GRK5: variants seen among roughly 807,000 people sequenced by gnomAD.
GRK5 encodes the protein g protein-coupled receptor kinase GRK5.
A neutral mutation model predicts 78.4 loss-of-function variants in GRK5; 40 were observed. The ratio of observed to expected loss-of-function variants is 0.51; its 90% confidence interval spans 0.40 to 0.66. The LOEUF (loss-of-function observed/expected upper bound fraction) is 0.66, where lower values mean the gene tolerates loss of function less well. GRK5 is among the 30% of genes least tolerant of loss of function. The probability of loss-of-function intolerance (pLI) is 0.00; values close to 1 mark genes in which losing one functional copy is unlikely to be tolerated. For missense variants in GRK5, 598 were observed against 759.9 expected, an observed-to-expected ratio of 0.79 and a Z score of 2.50; for synonymous variants, 289 against 296.8, an observed-to-expected ratio of 0.97 and a Z score of 0.27.
chr10:119,217,532 C>T lies in GRK5; in HGVS notation c.52+9563C>T, dbSNP rs1348763845. On this transcript the variant is annotated intron_variant, in intron 1 of 15. Transcript: ENST00000392870. The surrounding 1 kb of genome is among the most constrained non-coding windows in gnomAD (Gnocchi z 4.1). ...CCCTCCTACCAACACATCGGACAAG[C>T]GAGGCCAGCCTCTTGCGTTATTTTT... Among the ~76,000 whole-genome samples, 6 of 152,334 alleles carry T rather than the reference C, an allele frequency of 3.9e-5. No individual in the cohort carries two copies. Among genetic ancestry groups the T allele is most frequent in the South Asian group, 2.1e-4 (1 of 4,826 alleles).
In GRK5 at chr10:119,442,091, G is replaced by A; in HGVS notation, c.1057+3G>A. The A allele has an allele frequency of 6.2e-7, 1 of 1,612,942 alleles. No individual in the cohort carries two copies. The highest frequency in any genetic ancestry group is 8.5e-7 in the Non-Finnish European group (1 of 1,179,072). ...GGTGGGCACTGTTGGCTACATGGGTGAGTGCTGGGCTGCCTGTGTCAATGC... is the reference window on the plus strand; with the variant it reads ...GGTGGGCACTGTTGGCTACATGGGTAAGTGCTGGGCTGCCTGTGTCAATGC... On this transcript the variant is annotated splice_donor_region_variant and intron_variant, in intron 11 of 15. Transcript: ENST00000392870.
At chr10:119,220,306 T>C (rs1274515274) in intron 1 of GRK5, among the ~76,000 whole-genome samples, 2 of 152,190 alleles carry the variant, frequency 1.3e-5, no homozygotes, top group African/African-American at 4.8e-5. Context: ...CCAGATGTCT[T>C]CCCTTCAGCA....
intron 1 of GRK5, 41 bp downstream of exon 1, chr10:119,208,010 G>A (rs749963451): frequency 6.3e-7 from 1 of 1,585,040 alleles, no homozygotes; most frequent in East Asian, 2.3e-5. Context: ...CGTCCGCCGC[G>A]GGCCAGGGTG....
In GRK5 at chr10:119,271,633, G is replaced by A. The variant is rs764330947; in HGVS notation, c.53-54883G>A. On this transcript the variant is annotated intron_variant, in intron 1 of 15. Coordinates refer to ENST00000392870, the MANE Select transcript of GRK5 (RefSeq NM_005308.3). The surrounding 1 kb of genome is among the most constrained non-coding windows in gnomAD (Gnocchi z 4.1). ...CCATCAGTGCTGGGCTGGTGTGTGC[G>A]GGGTTTTGTCGCCACCTTTGGCAAT... 6.6e-5 allele frequency among the ~76,000 whole-genome samples: 10 copies of A among 152,160 alleles called. No individual in the cohort carries two copies. The highest frequency in any genetic ancestry group is 1.3e-4 in the Non-Finnish European group (9 of 68,022).
At chr10:119,340,120 G>GTTTGTTTTGTTTTGT (rs56098755) in intron 2 of GRK5, among the ~76,000 whole-genome samples, 6 of 151,848 alleles carry the variant, frequency 4.0e-5, no homozygotes, top group South Asian at 4.2e-4. Flanking sequence ...TTGTTTGTTT[G>GTTTGTTTTGTTTTGT]TTTGTTTTGT....
At chr10:119,444,035 G>T (rs560661815) in intron 12 of GRK5, among the ~76,000 whole-genome samples, 7 of 152,146 alleles carry the variant, frequency 4.6e-5, no homozygotes, top group South Asian at 4.2e-4. Flanking sequence ...TCCAGCCTGT[G>T]GGGGGGTCCA....
At chr10:119,252,024 A>T (rs1849211668) in intron 1 of GRK5, among the ~76,000 whole-genome samples, 1 of 152,200 alleles carries the variant, frequency 6.6e-6, no homozygotes, top group Non-Finnish European at 1.5e-5. Context: ...ATCTGGACAG[A>T]TGTGCCAAGT....
At chr10:119,247,073 G>A (rs1849125493) in intron 1 of GRK5, among the ~76,000 whole-genome samples, 1 of 152,192 alleles carries the variant, frequency 6.6e-6, no homozygotes, top group African/African-American at 2.4e-5. Context: ...GTGATGAGGT[G>A]GTGCTTGGCA....
At chr10:119,274,216 G>A (rs747218801) in intron 1 of GRK5, among the ~76,000 whole-genome samples, 15 of 152,114 alleles carry the variant, frequency 9.9e-5, no homozygotes, top group African/African-American at 3.4e-4. Flanking sequence ...GGCCAGCACC[G>A]AGATTAGAAC....
chr10:119,268,736 G>A (rs1353837960), intron 1 of GRK5, among the ~76,000 whole-genome samples: 10 of 152,202 alleles, frequency 6.6e-5, no homozygotes, highest in Admixed American at 5.2e-4. Flanking sequence ...TATCATTCTC[G>A]TCATCTCAGG....
At chr10:119,368,205 C>T (rs1053826552) in intron 2 of GRK5, among the ~76,000 whole-genome samples, 1 of 152,240 alleles carries the variant, frequency 6.6e-6, no homozygotes, top group Non-Finnish European at 1.5e-5. Context: ...ACCTGAAATG[C>T]ACTTGGGAGA....
intron 1 of GRK5, among the ~76,000 whole-genome samples, chr10:119,260,202 C>T (rs200832631): frequency 6.6e-6 from 1 of 152,098 alleles, no homozygotes; most frequent in African/African-American, 2.4e-5. Context: ...GGGGTTTCAT[C>T]GTGTTAGCCA....
rs1851664401 is a variant in GRK5 at position 119,378,666 on chromosome 10, CGG to C, written c.149-2147_149-2146del. 1.5e-5 allele frequency among the ~76,000 whole-genome samples: 2 copies of C among 137,828 alleles called. No homozygotes were observed. The highest frequency in any genetic ancestry group is 5.2e-4 in the South Asian group (2 of 3,860). The allele number at this position is 137,828 out of a possible 152,430, so 90.4% of individuals were successfully genotyped here. On this transcript the variant is annotated intron_variant, in intron 2 of 15. Transcript: ENST00000392870. This position sits in a 1 kb window ranked among gnomAD's most constrained non-coding sequence, Gnocchi z 4.5. The stretch of plus-strand genomic sequence containing the variant: ...CTCTCCGCTCATCTCCGCTTGTGTG[CGG>C]GCTGCGCCTCCGTGGGCTCTCGCTG...
chr10:119,303,688 G>C (rs1319620534), intron 1 of GRK5, among the ~76,000 whole-genome samples: 2 of 151,482 alleles, frequency 1.3e-5, no homozygotes, highest in Non-Finnish European at 2.9e-5. Flanking sequence ...TAGTTTGAAA[G>C]GGGCAAGAAC....
At chr10:119,260,923 C>T (rs1382867210) in intron 1 of GRK5, among the ~76,000 whole-genome samples, 1 of 152,128 alleles carries the variant, frequency 6.6e-6, no homozygotes, top group African/African-American at 2.4e-5. Flanking sequence ...CTGTTGGGCA[C>T]ACCTCCCAGA....
At chr10:119,377,944 T>TC (rs1240723758) in intron 2 of GRK5, 1 of 154,434 alleles carries the variant, frequency 6.5e-6, no homozygotes, top group East Asian at 1.9e-4. Flanking sequence ...TTTGTTTTCC[T>TC]CCCCTTGGGG....
chr10:119,406,456 G>C, intron 4 of GRK5: 3 of 964,528 alleles, frequency 3.1e-6, no homozygotes, highest in Non-Finnish European at 3.7e-6. Context: ...AATATGGGAA[G>C]CTTGGGCAAA....
intron 1 of GRK5, among the ~76,000 whole-genome samples, chr10:119,314,528 G>A (rs149636900): frequency 1.2e-4 from 19 of 152,302 alleles, no homozygotes; most frequent in Non-Finnish European, 2.2e-4. Flanking sequence ...CTGCCACCTG[G>A]GGTCCTATGC....
chr10:119,434,137 C>T (rs1018201606), intron 8 of GRK5, among the ~76,000 whole-genome samples: 10 of 152,172 alleles, frequency 6.6e-5, no homozygotes, highest in Admixed American at 3.3e-4. Flanking sequence ...TATCTCCCAC[C>T]GGGTCCCTCC....
Sources: allele counts gnomAD v4.1 joint callset (sites outside exome capture counted in the v4.1 genomes callset), GRCh38; gene constraint gnomAD v4.1.1; non-coding constraint Gnocchi (gnomAD v3.1); transcripts MANE v1.5; gene names NCBI Gene and HGNC (gene_info 2026-07-23, HGNC 2026-07-21).